The following SEC63 variants were observed in gnomAD, a reference collection of about 807,000 sequenced individuals.
SEC63 encodes the protein SEC63 protein translocation regulator.
Under a neutral mutation model 116.2 loss-of-function variants are expected in SEC63, and 56 were observed. The ratio of observed to expected loss-of-function variants is 0.48; its 90% CI spans 0.39 to 0.60. The LOEUF is 0.60. Ranked by LOEUF, SEC63 falls within the 20% of genes least tolerant of loss-of-function variation. The probability of loss-of-function intolerance (pLI) is 0.00; values close to 1 mark genes in which losing one functional copy is unlikely to be tolerated. For synonymous variants in SEC63, 273 were observed against 294.6 expected, an observed-to-expected ratio of 0.93 and a Z score of 0.75; for missense variants, 668 against 900.0, an observed-to-expected ratio of 0.74 and a Z score of 3.30.
chr6:107,916,698 T>C (rs1787407879), intron 4 of SEC63, among the ~76,000 whole-genome samples: 1 of 152,252 alleles, frequency 6.6e-6, no homozygotes, highest in South Asian at 2.1e-4. Flanking sequence ...ATCTAATGTT[T>C]TCACTATTAT....
chr6:107,897,562 C>T (rs879104125), intron 14 of SEC63, 87 bp downstream of exon 14: 7 of 944,232 alleles, frequency 7.4e-6, no homozygotes, highest in Non-Finnish European at 1.2e-5. Flanking sequence ...GGTATTACAA[C>T]AGTTTTGACT....
chr6:107,873,812 C>CT (rs1288616245), intron 19 of SEC63, among the ~76,000 whole-genome samples: 1 of 151,982 alleles, frequency 6.6e-6, no homozygotes, highest in East Asian at 1.9e-4. Flanking sequence ...CCCAAAACAA[C>CT]TTTTTAAGAC....
intron 1 of SEC63, among the ~76,000 whole-genome samples, chr6:107,948,705 C>A (rs1395294192): frequency 6.6e-6 from 1 of 152,084 alleles, no homozygotes; most frequent in South Asian, 2.1e-4. Context: ...CCTCCTGATG[C>A]CCCCCACCAT....
chr6:107,899,295 TATAA>T (rs1160144754), intron 13 of SEC63, among the ~76,000 whole-genome samples: 1 of 152,204 alleles, frequency 6.6e-6, no homozygotes, highest in Non-Finnish European at 1.5e-5. Flanking sequence ...ACTGTAAAAA[TATAA>T]ATAAACTGTC....
intron 17 of SEC63, among the ~76,000 whole-genome samples, chr6:107,882,460 T>C (rs1184272571): frequency 6.6e-6 from 1 of 152,196 alleles, no homozygotes; most frequent in African/African-American, 2.4e-5. Context: ...TATTAATAAA[T>C]TCTGTAAAGA....
chr6:107,881,521 T>C (rs1460476125), intron 17 of SEC63, among the ~76,000 whole-genome samples: 1 of 152,092 alleles, frequency 6.6e-6, no homozygotes, highest in Non-Finnish European at 1.5e-5. Flanking sequence ...CCTTGTGCTT[T>C]TTATTCTAGT....
rs1786092417 is a variant in SEC63, at chr6:107,869,983, TCA to T, written c.*1719_*1720del. On this transcript the variant is annotated 3_prime_UTR_variant, in exon 21 of 21. Coordinates refer to ENST00000369002, the MANE Select transcript of SEC63 (RefSeq NM_007214.5). ...CTACACATTGTTCTGTCTTGTCTGCTCAGTTTCCTTGCCTTCGTGCCACACCT... is the reference window on the plus strand; with the variant it reads ...CTACACATTGTTCTGTCTTGTCTGCTGTTTCCTTGCCTTCGTGCCACACCT... 6.6e-6 allele frequency: 1 copy of T among 152,232 alleles called. No individual in the cohort carries two copies. The highest frequency in any genetic ancestry group is 1.5e-5 in the Non-Finnish European group (1 of 68,026). 9.4% of individuals were successfully genotyped at this position (152,232 alleles called of 1,614,324 possible).
Position 107,895,860 on chromosome 6 carries a change from TA to T in SEC63, c.1440+1788del, listed in dbSNP as rs759171759. Among the ~76,000 whole-genome samples the T allele has an allele frequency of 5.6e-3, 584 of 103,660 alleles. 7 individuals are homozygous for T. Among genetic ancestry groups the T allele is most frequent in the Admixed American group, 0.013 (124 of 9,382 alleles). The allele number at this position is 103,660 out of a possible 152,430, so 68.0% of individuals were successfully genotyped here. ...AGCCTACAGAGACCCGCACCTCTAT[TA>T]AAAAAAAAAAAAAAAAAATTAGGCC... On this transcript the variant is annotated intron_variant, in intron 14 of 20. Coordinates refer to ENST00000369002, the MANE Select transcript of SEC63 (RefSeq NM_007214.5).
rs2114384180 is a variant in SEC63 at position 107,870,858 on chromosome 6, G to C, written c.*846C>G. 1 of 152,324 alleles carries C rather than the reference G, an allele frequency of 6.6e-6. No homozygotes were observed. The highest frequency in any genetic ancestry group is 2.1e-4 in the South Asian group (1 of 4,824). The allele number at this position is 152,324 out of a possible 1,614,324, so 9.4% of individuals were successfully genotyped here. Reference sequence around the variant, plus strand: ...ATGTTATACTTACTTTCCTTAAAAAGCTCCTGATAGAGTCAAGTAGACTGA... The same window carrying C: ...ATGTTATACTTACTTTCCTTAAAAACCTCCTGATAGAGTCAAGTAGACTGA... On this transcript the variant is annotated 3_prime_UTR_variant, in exon 21 of 21. Coordinates refer to ENST00000369002, the MANE Select transcript of SEC63 (RefSeq NM_007214.5).
chr6:107,891,945 G>A (rs553232151), intron 16 of SEC63, among the ~76,000 whole-genome samples: 2 of 152,306 alleles, frequency 1.3e-5, no homozygotes, highest in Non-Finnish European at 2.9e-5. Context: ...GTCCCAGAGG[G>A]GCACTCGCCA....
At chr6:107,917,101 T>C (rs541718696) in intron 4 of SEC63, among the ~76,000 whole-genome samples, 10 of 152,320 alleles carry the variant, frequency 6.6e-5, no homozygotes, top group Admixed American at 5.2e-4. Context: ...AGCAGAAAAC[T>C]GCTTAAAGGC....
Position 107,871,419 on chromosome 6 carries a change from C to T in SEC63, c.*285G>A, listed in dbSNP as rs1786130454. ...GGGACCATAGACTGATCAGATAATA[C>T]ATAGCCCACACTTCTGGACAGTTAT... On this transcript the variant is annotated 3_prime_UTR_variant, in exon 21 of 21. Transcript: ENST00000369002. 1.2e-5 allele frequency: 5 copies of T among 422,918 alleles called. No individual in the cohort carries two copies. Among genetic ancestry groups the T allele is most frequent in the South Asian group, 1.1e-4 (5 of 46,680 alleles). 26.2% of individuals were successfully genotyped at this position (422,918 alleles called of 1,614,324 possible).
intron 16 of SEC63, among the ~76,000 whole-genome samples, chr6:107,886,342 T>TA (rs1346870542): frequency 6.6e-6 from 1 of 152,186 alleles, no homozygotes; most frequent in Non-Finnish European, 1.5e-5. Flanking sequence ...GTCTTTATAG[T>TA]AAAATGATTT....
chr6:107,915,097 G>C (rs1401806411), intron 4 of SEC63, among the ~76,000 whole-genome samples: 4 of 152,142 alleles, frequency 2.6e-5, no homozygotes, highest in African/African-American at 7.2e-5. Context: ...ACTTCTAAGA[G>C]TTAAAGTACT....
Position 107,904,638 on chromosome 6 carries a change from T to C in SEC63, c.1045A>G (p.Asn349Asp), listed in dbSNP as rs750479649. 12 of 1,609,280 alleles carry C rather than the reference T, an allele frequency of 7.5e-6. No homozygotes were observed. Among genetic ancestry groups the C allele is most frequent in the Admixed American group, 1.7e-5 (1 of 59,994 alleles). ...TATATTTCCTCCTCACCTTCACGGT[T>C]CCGGGCCATTACTATTAGTTGGCAG... ...VICQLIVMAR[N>D]REEREFRAPT... The change falls in exon 11 of 21, where the codon AAC becomes GAC. Residue 349 changes from asparagine (N) to aspartate (D), a missense_variant. This residue lies in a region of SEC63 where 430 missense variants were observed against 557.5 expected (regional missense o/e 0.77). Coordinates refer to ENST00000369002, the MANE Select transcript of SEC63 (RefSeq NM_007214.5).
chr6:107,944,268 G>A (rs577725392), intron 1 of SEC63, among the ~76,000 whole-genome samples: 1 of 152,334 alleles, frequency 6.6e-6, no homozygotes, highest in South Asian at 2.1e-4. Context: ...AAGGTTATGG[G>A]TCAAGAAGGT....
chr6:107,922,386 G>A (rs145177169), intron 3 of SEC63, among the ~76,000 whole-genome samples: 39 of 152,290 alleles, frequency 2.6e-4, no homozygotes, highest in African/African-American at 8.9e-4. Flanking sequence ...CACACCTGTA[G>A]TCCCAGCTAC....
chr6:107,938,331 T>A (rs1396624375), intron 1 of SEC63, among the ~76,000 whole-genome samples: 1 of 149,518 alleles, frequency 6.7e-6, no homozygotes, highest in Non-Finnish European at 1.5e-5. Context: ...GTTCACTGCA[T>A]CCTCAACCTT....
chr6:107,915,826 A>C lies in SEC63; in HGVS notation c.453-2399T>G, dbSNP rs571126569. On this transcript the variant is annotated intron_variant, in intron 4 of 20. Coordinates refer to ENST00000369002, the MANE Select transcript of SEC63 (RefSeq NM_007214.5). Reference sequence around the variant, plus strand: ...AAGCACTTAGAACTTATAGTTGGTAAAATATATACCTTTATCTAATATAGT... The same window carrying C: ...AAGCACTTAGAACTTATAGTTGGTACAATATATACCTTTATCTAATATAGT... Among the ~76,000 whole-genome samples the C allele has an allele frequency of 1.6e-3, 249 of 152,308 alleles. 2 individuals carry two copies. Among genetic ancestry groups the C allele is most frequent in the South Asian group, 0.012 (59 of 4,826 alleles).
Sources: allele counts gnomAD v4.1 joint callset (sites outside exome capture counted in the v4.1 genomes callset), GRCh38; gene constraint gnomAD v4.1.1; regional missense constraint gnomAD v4.1.1; transcripts MANE v1.5; gene names NCBI Gene and HGNC (gene_info 2026-07-23, HGNC 2026-07-21).